Variants in NRG3 observed in about 807,000 individuals in gnomAD.
The protein encoded by NRG3 is pro-neuregulin-3, membrane-bound isoform.
NRG3 carries 31 observed loss-of-function variants against 66.9 expected under a neutral mutation model. The observed-to-expected ratio is 0.46, with a 90% CI of 0.35 to 0.63. The LOEUF (loss-of-function observed/expected upper bound fraction) is 0.63, where lower values mean the gene tolerates loss of function less well. Among genes scored for constraint, NRG3 ranks in the 20% least tolerant of loss-of-function variants. The pLI is 0.00. For synonymous variants in NRG3, 393 were observed against 359.4 expected (o/e 1.09, Z -1.06); for missense variants, 910 against 878.9 (o/e 1.04, Z -0.45).
intron 4 of NRG3, among the ~76,000 whole-genome samples, chr10:82,885,705 G>A (rs556208721): frequency 1.3e-5 from 2 of 152,140 alleles, no homozygotes; most frequent in South Asian, 4.1e-4. Flanking sequence ...CATCTTTGGG[G>A]GAAAGTTTAC....
At position 82,320,839 on chromosome 10, in the gene NRG3, A is replaced by C. The variant is rs574686752; in HGVS notation, c.824-37900A>C. Among the ~76,000 whole-genome samples the C allele has an allele frequency of 8.9e-4, 135 of 152,260 alleles. 1 individual carries two copies. Among genetic ancestry groups the C allele is most frequent in the Non-Finnish European group, 3.4e-4 (23 of 68,020 alleles). ...TCACGCCCAAATGTTGCCTTTTCCAAGACCAATCTGGCTTACCATATCTGC... is the reference window on the plus strand; with the variant it reads ...TCACGCCCAAATGTTGCCTTTTCCACGACCAATCTGGCTTACCATATCTGC... On this transcript the variant is annotated intron_variant, in intron 1 of 8. Coordinates refer to ENST00000372141, the MANE Select transcript of NRG3 (RefSeq NM_001010848.4).
chr10:82,426,609 T>C (rs548762447), intron 2 of NRG3, among the ~76,000 whole-genome samples: 129 of 76,588 alleles, frequency 1.7e-3, no homozygotes, highest in African/African-American at 9.3e-3. Flanking sequence ...TTATTATTAT[T>C]ATTATTATTA....
At chr10:81,939,851 G>A (rs1848250031) in intron 1 of NRG3, among the ~76,000 whole-genome samples, 1 of 151,500 alleles carries the variant, frequency 6.6e-6, no homozygotes, top group African/African-American at 2.4e-5. Flanking sequence ...CCAGTTCCTT[G>A]ATGTATAAAG....
intron 2 of NRG3, among the ~76,000 whole-genome samples, chr10:82,735,187 T>A (rs1337827587): frequency 2.6e-5 from 4 of 152,158 alleles, no homozygotes; most frequent in African/African-American, 9.7e-5. Context: ...GTGAACTGAG[T>A]TTGCTGTATG....
intron 6 of NRG3, among the ~76,000 whole-genome samples, chr10:82,961,833 T>C (rs1207792526): frequency 2.0e-5 from 3 of 152,208 alleles, no homozygotes; most frequent in African/African-American, 7.2e-5. Context: ...CAGGCATTTA[T>C]TTCCACTTTA....
At chr10:82,237,541 A>C (rs759465576) in intron 1 of NRG3, among the ~76,000 whole-genome samples, 1 of 151,546 alleles carries the variant, frequency 6.6e-6, no homozygotes, top group Non-Finnish European at 1.5e-5. Context: ...TCATTCATTC[A>C]TTCATTCATA....
At chr10:82,004,943 G>T (rs1385206958) in intron 1 of NRG3, among the ~76,000 whole-genome samples, 1 of 152,206 alleles carries the variant, frequency 6.6e-6, no homozygotes, top group Non-Finnish European at 1.5e-5. Context: ...CTAAGTCTGT[G>T]GTGTTTTCTT....
rs67224862 is a variant in NRG3, at chr10:82,856,756, CAA to C, written c.1028-8639_1028-8638del. 2.5e-3 allele frequency among the ~76,000 whole-genome samples: 270 copies of C among 107,488 alleles called. 2 individuals are homozygous for C. The highest frequency in any genetic ancestry group is 8.8e-3 in the African/African-American group (242 of 27,556). 70.5% of individuals were successfully genotyped at this position (107,488 alleles called of 152,430 possible). On this transcript the variant is annotated intron_variant, in intron 3 of 8. Coordinates refer to ENST00000372141, the MANE Select transcript of NRG3 (RefSeq NM_001010848.4). Reference sequence around the variant, plus strand: ...AAGACTCTGTCTCAAAAAAAAAAAACAAAAAAAAAAAAAAAAAGAAAAGAAAA... The same window carrying C: ...AAGACTCTGTCTCAAAAAAAAAAAACAAAAAAAAAAAAAAAGAAAAGAAAA...
intron 2 of NRG3, among the ~76,000 whole-genome samples, chr10:82,711,806 G>A (rs1176701619): frequency 5.3e-5 from 8 of 151,910 alleles, no homozygotes; most frequent in African/African-American, 1.9e-4. Flanking sequence ...AATCCTCTTG[G>A]ATCCCCATTG....
intron 2 of NRG3, among the ~76,000 whole-genome samples, chr10:82,468,834 T>C (rs1376048193): frequency 6.6e-6 from 1 of 151,502 alleles, no homozygotes; most frequent in African/African-American, 2.4e-5. Flanking sequence ...GGGAGTGATA[T>C]TGAGAGGAGA....
intron 2 of NRG3, among the ~76,000 whole-genome samples, chr10:82,614,919 T>C (rs1162825888): frequency 1.3e-5 from 2 of 152,072 alleles, no homozygotes; most frequent in Non-Finnish European, 2.9e-5. Context: ...ACCTAGGTGA[T>C]ATCAATGCTT....
At chr10:82,533,226 T>C (rs1406712954) in intron 2 of NRG3, among the ~76,000 whole-genome samples, 1 of 152,070 alleles carries the variant, frequency 6.6e-6, no homozygotes, top group Non-Finnish European at 1.5e-5. Context: ...TTGCAAATAA[T>C]TTTCTCCCAT....
In NRG3 at chr10:81,951,023, A is replaced by T. The variant is rs540780666; in HGVS notation, c.823+74860A>T. On this transcript the variant is annotated intron_variant, in intron 1 of 8. Transcript: ENST00000372141. The stretch of plus-strand genomic sequence containing the variant: ...ATTAGGGTGGACACAAAACAATCGA[A>T]TATCTGGATTTGACCATTGGAGGGT... Among the ~76,000 whole-genome samples, 10 of 152,306 alleles carry T rather than the reference A, an allele frequency of 6.6e-5. No homozygotes were observed. The East Asian group carries it at 7.7e-4, about 12-fold the overall frequency.
chr10:82,467,055 T>C (rs374816239), intron 2 of NRG3, among the ~76,000 whole-genome samples: 32 of 152,216 alleles, frequency 2.1e-4, no homozygotes, highest in African/African-American at 7.5e-4. Flanking sequence ...TCAACTTATT[T>C]AAATAGGGGA....
chr10:82,418,463 G>GTTTATGCAAATGTTTATGCAAATT (rs1291290484), intron 2 of NRG3, among the ~76,000 whole-genome samples: 3 of 145,320 alleles, frequency 2.1e-5, no homozygotes, highest in African/African-American at 8.2e-5. Flanking sequence ...CAAATGAAAA[G>GTTTATGCAAATGTTTATGCAAATT]AGGAGGTAAG....
intron 1 of NRG3, among the ~76,000 whole-genome samples, chr10:81,974,346 G>A (rs2060039947): frequency 6.6e-6 from 1 of 152,074 alleles, no homozygotes; most frequent in South Asian, 2.1e-4. Context: ...ATTACATACA[G>A]AGGAAAAATA....
intron 2 of NRG3, among the ~76,000 whole-genome samples, chr10:82,669,927 CAAA>C (rs1163615258): frequency 2.9e-5 from 3 of 103,408 alleles, no homozygotes; most frequent in Admixed American, 1.1e-4. Context: ...GACTCTGTCT[CAAA>C]AAAAAAAAAA....
chr10:82,680,810 G>T (rs1234927364), intron 2 of NRG3, among the ~76,000 whole-genome samples: 1 of 152,176 alleles, frequency 6.6e-6, no homozygotes, highest in East Asian at 1.9e-4. Context: ...AATTCAATTT[G>T]AAAGCTAAAA....
intron 3 of NRG3, among the ~76,000 whole-genome samples, chr10:82,745,270 G>C (rs1176555847): frequency 6.6e-6 from 1 of 152,164 alleles, no homozygotes; most frequent in African/African-American, 2.4e-5. Flanking sequence ...TTATGCTAGA[G>C]TGTGAAGGGC....
Sources: gnomAD v4.1 joint callset for allele counts (sites outside exome capture counted in the v4.1 genomes callset) on GRCh38, gnomAD v4.1.1 for gene constraint, MANE v1.5 for transcripts, NCBI Gene and HGNC (gene_info 2026-07-23, HGNC 2026-07-21) for gene names.